The following SLC24A2 variants were observed in gnomAD, a reference collection of about 807,000 sequenced individuals.
SLC24A2 encodes solute carrier family 24 member 2, also known as sodium/potassium/calcium exchanger 2.
SLC24A2 carries 36 observed loss-of-function variants against 62.0 expected under a neutral mutation model. The observed-to-expected ratio is 0.58, with a 90% CI of 0.44 to 0.77. The LOEUF (loss-of-function observed/expected upper bound fraction) is 0.77, where lower values mean the gene tolerates loss of function less well. Ranked by LOEUF, SLC24A2 falls within the 30% of genes least tolerant of loss-of-function variation. The probability of loss-of-function intolerance (pLI) is 0.00; values close to 1 mark genes in which losing one functional copy is unlikely to be tolerated. For missense variants in SLC24A2, 846 were observed against 817.9 expected, an observed-to-expected ratio of 1.03 and a Z score of -0.42; for synonymous variants, 358 against 294.0, an observed-to-expected ratio of 1.22 and a Z score of -2.23.
the SLC24A2 span, among the ~76,000 whole-genome samples, chr9:20,291,969 A>C: frequency 6.6e-6 from 1 of 152,204 alleles, no homozygotes; most frequent in African/African-American, 2.4e-5. Context: ...GGGCCATTTC[A>C]AAAGCCAATA....
the SLC24A2 span, among the ~76,000 whole-genome samples, chr9:20,271,713 C>T: frequency 6.6e-6 from 1 of 152,130 alleles, no homozygotes; most frequent in East Asian, 1.9e-4. Flanking sequence ...ACACACTATC[C>T]AAATATTTTG....
At chr9:19,967,631 T>C in the SLC24A2 span, 3 of 152,200 alleles carry the variant, frequency 2.0e-5, no homozygotes, top group Admixed American at 1.3e-4. Flanking sequence ...AGTGAGCCAA[T>C]TGGAAAAGGT....
chr9:20,292,012 G>T, the SLC24A2 span, among the ~76,000 whole-genome samples: 1 of 152,136 alleles, frequency 6.6e-6, no homozygotes, highest in African/African-American at 2.4e-5. Flanking sequence ...GTGGAAAATT[G>T]GGTCAAATCA....
the SLC24A2 span, among the ~76,000 whole-genome samples, chr9:20,083,719 C>A: frequency 5.3e-5 from 8 of 152,278 alleles, no homozygotes; most frequent in African/African-American, 1.4e-4. Context: ...AACAACTCTT[C>A]GAAAGATGAC....
chr9:19,592,220 G>A (rs1030796087), intron 5 of SLC24A2, among the ~76,000 whole-genome samples: 4 of 152,142 alleles, frequency 2.6e-5, no homozygotes, highest in Non-Finnish European at 5.9e-5. Context: ...TGGTAAAGGG[G>A]CAGTTGGTTG....
the SLC24A2 span, among the ~76,000 whole-genome samples, chr9:20,278,292 G>T: frequency 3.3e-5 from 5 of 151,784 alleles, no homozygotes; most frequent in African/African-American, 1.2e-4. Context: ...CACATATCAG[G>T]CTGCAAAATT....
chr9:20,127,376 G>C, the SLC24A2 span, among the ~76,000 whole-genome samples: 2 of 152,152 alleles, frequency 1.3e-5, no homozygotes, highest in African/African-American at 4.8e-5. Flanking sequence ...TTTATATTAA[G>C]GCAATTACTT....
At chr9:19,955,937 A>G in the SLC24A2 span, among the ~76,000 whole-genome samples, 1 of 152,214 alleles carries the variant, frequency 6.6e-6, no homozygotes, top group Non-Finnish European at 1.5e-5. Flanking sequence ...AATTAAATTA[A>G]TCTCACTGTA....
chr9:20,287,844 A>C, the SLC24A2 span, among the ~76,000 whole-genome samples: 4 of 152,214 alleles, frequency 2.6e-5, no homozygotes, highest in Admixed American at 6.5e-5. Context: ...ATGCTCCCTT[A>C]GTCCAGGTCA....
chr9:20,171,228 T>C, the SLC24A2 span, among the ~76,000 whole-genome samples: 1 of 151,830 alleles, frequency 6.6e-6, no homozygotes, highest in Non-Finnish European at 1.5e-5. Context: ...GCTCCAAATC[T>C]TGAAACAAAT....
the SLC24A2 span, among the ~76,000 whole-genome samples, chr9:19,993,770 A>T: frequency 6.6e-6 from 1 of 152,148 alleles, no homozygotes. Context: ...CTCCCAGGAA[A>T]ATGTTAGTCC....
chr9:19,579,439 A>G (rs1015551637), intron 5 of SLC24A2, among the ~76,000 whole-genome samples: 3 of 152,184 alleles, frequency 2.0e-5, no homozygotes, highest in Non-Finnish European at 4.4e-5. Flanking sequence ...GCAATTCCAA[A>G]AAGTCCCAAA....
the SLC24A2 span, among the ~76,000 whole-genome samples, chr9:19,811,067 T>A: frequency 6.6e-6 from 1 of 152,154 alleles, no homozygotes; most frequent in Non-Finnish European, 1.5e-5. Context: ...AAAATTCATA[T>A]GTTGAAATTG....
At chr9:19,865,222 T>C in the SLC24A2 span, among the ~76,000 whole-genome samples, 5 of 152,230 alleles carry the variant, frequency 3.3e-5, no homozygotes, top group South Asian at 2.1e-4. Flanking sequence ...TGTTCATGCA[T>C]TGGAACAATC....
chr9:19,941,590 T>TGTGTGTGTGTGTGTGAGA, the SLC24A2 span, among the ~76,000 whole-genome samples: 131 of 127,970 alleles, frequency 1.0e-3, no homozygotes, highest in East Asian at 3.0e-3. Context: ...TGTGTGTGTG[T>TGTGTGTGTGTGTGTGAGA]GAGAGAGAGA....
chr9:20,101,353 T>G, the SLC24A2 span, among the ~76,000 whole-genome samples: 1 of 152,250 alleles, frequency 6.6e-6, no homozygotes, highest in Non-Finnish European at 1.5e-5. Flanking sequence ...AGTACCTTGC[T>G]GTAGTGCAAT....
At chr9:19,747,904 CTG>C (rs759238315) in intron 2 of SLC24A2, among the ~76,000 whole-genome samples, 15 of 152,124 alleles carry the variant, frequency 9.9e-5, no homozygotes, top group Non-Finnish European at 1.5e-4. Flanking sequence ...TATGAGGAAA[CTG>C]AGGCACAAAG....
chr9:19,935,994 C>T, the SLC24A2 span, among the ~76,000 whole-genome samples: 1 of 152,116 alleles, frequency 6.6e-6, no homozygotes, highest in African/African-American at 2.4e-5. Flanking sequence ...AAACTTAAGG[C>T]TTTAATCACA....
At chr9:19,882,925 G>A in the SLC24A2 span, among the ~76,000 whole-genome samples, 3 of 152,174 alleles carry the variant, frequency 2.0e-5, no homozygotes, top group Non-Finnish European at 4.4e-5. Flanking sequence ...CTAGCAATAT[G>A]CAGGAAGACT....
Sources: allele counts gnomAD v4.1 joint callset (sites outside exome capture counted in the v4.1 genomes callset), GRCh38; gene constraint gnomAD v4.1.1; transcripts MANE v1.5; gene names NCBI Gene and HGNC (gene_info 2026-07-23, HGNC 2026-07-21).